The following TRIM26 variants were observed in gnomAD, a reference collection of about 807,000 sequenced individuals.
TRIM26 encodes the protein tripartite motif-containing protein 26.
A neutral mutation model predicts 45.5 loss-of-function variants in TRIM26; 16 were observed. The ratio of observed to expected loss-of-function variants is 0.35; its 90% confidence interval spans 0.24 to 0.53. The LOEUF is 0.53. Ranked by LOEUF, TRIM26 falls within the 20% of genes least tolerant of loss-of-function variation. The pLI, the probability that TRIM26 is intolerant of heterozygous loss-of-function variation, is 0.92. For synonymous variants in TRIM26, 273 were observed against 290.4 expected, an observed-to-expected ratio of 0.94 and a Z score of 0.61; for missense variants, 442 against 691.1, an observed-to-expected ratio of 0.64 and a Z score of 4.04.
Position 30,186,176 on chromosome 6 carries a change from C to A in TRIM26, c.1320G>T (p.Gly440=). 1 of 1,597,362 alleles carries A rather than the reference C, an allele frequency of 6.3e-7. No homozygotes were observed. Among genetic ancestry groups the A allele is most frequent in the Non-Finnish European group, 8.5e-7 (1 of 1,171,562 alleles). ...TCCTCTTCACAGAGTCTCTAGCCAC[C>A]CCCACCATGCAGCTTTCCAGAACTT... is the stretch of plus-strand genomic sequence containing the variant. ...EEEVLESCMV[G]VARDSVKRKG... The change falls in exon 10 of 10, where the codon GGG becomes GGT. Residue 440 remains glycine (G), a synonymous_variant. Coordinates refer to ENST00000454678, the MANE Select transcript of TRIM26 (RefSeq NM_003449.5). The surrounding 1 kb of genome is among the most constrained non-coding windows in gnomAD (Gnocchi z 7.4).
At position 30,190,276 on chromosome 6, in the gene TRIM26, T is replaced by C. The variant is rs1775689739; in HGVS notation, c.766-241A>G. 1 of 592,698 alleles carries C rather than the reference T, an allele frequency of 1.7e-6. No individual in the cohort carries two copies. The highest frequency in any genetic ancestry group is 1.9e-5 in the African/African-American group (1 of 53,690). The allele number at this position is 592,698 out of a possible 1,614,324, so 36.7% of individuals were successfully genotyped here. Reference sequence around the variant, plus strand: ...TGACATGGGCAACCTCTCTGGGAGATACCTGCGCAGAGAATTGACGGATAA... The same window carrying C: ...TGACATGGGCAACCTCTCTGGGAGACACCTGCGCAGAGAATTGACGGATAA... On this transcript the variant is annotated intron_variant, in intron 6 of 9. Transcript: ENST00000454678. This position sits in a 1 kb window ranked among gnomAD's most constrained non-coding sequence, Gnocchi z 4.3.
At chr6:30,188,500 A>G (rs1275350114) in intron 9 of TRIM26, 7 of 268,508 alleles carry the variant, frequency 2.6e-5, no homozygotes, top group Admixed American at 3.9e-5. Context: ...CAGCTCAGAC[A>G]TTAATAAAGA....
At chr6:30,193,206 G>T (rs1451912423) in intron 6 of TRIM26, among the ~76,000 whole-genome samples, 3 of 67,732 alleles carry the variant, frequency 4.4e-5, no homozygotes, top group African/African-American at 6.9e-5. Context: ...TTTTTTAATG[G>T]AGTCTCACTC....
intron 6 of TRIM26, among the ~76,000 whole-genome samples, chr6:30,193,182 A>ATATATATATATATATATATATATATTTT: frequency 2.6e-5 from 1 of 38,822 alleles, no homozygotes; most frequent in Admixed American, 3.9e-4. Context: ...ATATATATAT[A>ATATATATATATATATATATATATATTTT]TTTTTTTTTT....
chr6:30,203,523 C>G (rs28360014), intron 2 of TRIM26, among the ~76,000 whole-genome samples: 17,594 of 152,106 alleles, frequency 0.12, 1,539 homozygotes, highest in African/African-American at 0.24. Context: ...TCAAGCGATT[C>G]TCCTGCCTCA....
At chr6:30,203,958 A>G (rs958049490) in intron 2 of TRIM26, among the ~76,000 whole-genome samples, 1 of 152,214 alleles carries the variant, frequency 6.6e-6, no homozygotes, top group African/African-American at 2.4e-5. Flanking sequence ...ACCATCAAAA[A>G]TGGTTAAATC....
intron 5 of TRIM26, among the ~76,000 whole-genome samples, chr6:30,197,181 A>G (rs1434550711): frequency 6.6e-6 from 1 of 152,170 alleles, no homozygotes; most frequent in Non-Finnish European, 1.5e-5. Flanking sequence ...TGTTCAGTCT[A>G]AAATATCTAT....
intron 6 of TRIM26, among the ~76,000 whole-genome samples, chr6:30,193,148 G>A (rs1776072385): frequency 1.9e-5 from 1 of 51,662 alleles, no homozygotes; most frequent in Admixed American, 2.8e-4. Context: ...GTGTGTGTGT[G>A]TGTGTGTGTG....
rs59539207 is a variant in TRIM26, at chr6:30,186,302, T to TTCC, written c.1191_1193dup (p.Glu400dup). 5.0e-6 allele frequency: 8 copies of TTCC among 1,603,906 alleles called. No homozygotes were observed. In the African/African-American group the frequency reaches 8.0e-5, roughly 16 times the overall value. On this transcript the variant is annotated inframe_insertion, in exon 10 of 10. Transcript: ENST00000454678. This position sits in a 1 kb window ranked among gnomAD's most constrained non-coding sequence, Gnocchi z 7.4. ...ATCCATCCCCATAGCCGGCCTCCTC[T>TTCC]TCCTCCTCCTCCTCTTCTCCCTCTT...
rs1165150997 is a variant in TRIM26, at chr6:30,196,965, G to C, written c.535-219C>G. Among the ~76,000 whole-genome samples the C allele has an allele frequency of 6.6e-6, 1 of 152,134 alleles. No homozygotes were observed. Among genetic ancestry groups the C allele is most frequent in the African/African-American group, 2.4e-5 (1 of 41,436 alleles). On this transcript the variant is annotated intron_variant, in intron 5 of 9. Transcript: ENST00000454678. This position sits in a 1 kb window ranked among gnomAD's most constrained non-coding sequence, Gnocchi z 4.9. ...AGTTCAGTTCACCCCACCACTATAT[G>C]GTCAAAACCCTGTCTCCACCTGACT...
At chr6:30,195,880 G>C (rs557425271) in intron 6 of TRIM26, among the ~76,000 whole-genome samples, 19 of 152,306 alleles carry the variant, frequency 1.2e-4, no homozygotes, top group Non-Finnish European at 2.1e-4. Flanking sequence ...AGGCTCCCGG[G>C]GGGGAGGAGA....
In TRIM26 at chr6:30,189,377, C is replaced by G; in HGVS notation, c.904+41G>C. 1 of 1,603,704 alleles carries G rather than the reference C, an allele frequency of 6.2e-7. No individual in the cohort carries two copies. Among genetic ancestry groups the G allele is most frequent in the Non-Finnish European group, 8.5e-7 (1 of 1,171,588 alleles). ...GGTGCGCTCTTTCTACGAGGTAGCC[C>G]TGCTCTGACTCCCACCCTTTGTGCG... On this transcript the variant is annotated intron_variant, in intron 8 of 9. Coordinates refer to ENST00000454678, the MANE Select transcript of TRIM26 (RefSeq NM_003449.5). The surrounding 1 kb of genome is among the most constrained non-coding windows in gnomAD (Gnocchi z 5.0).
chr6:30,188,604 C>A, intron 9 of TRIM26: 2 of 230,528 alleles, frequency 8.7e-6, no homozygotes. Context: ...GCCTCGTTTG[C>A]TCCCAGACAG....
chr6:30,192,468 C>T (rs1250917087), intron 6 of TRIM26, among the ~76,000 whole-genome samples: 1 of 152,146 alleles, frequency 6.6e-6, no homozygotes, highest in Non-Finnish European at 1.5e-5. Flanking sequence ...TCTTTCCTTT[C>T]CTATCACCTC....
chr6:30,199,056 G>A lies in TRIM26; in HGVS notation c.48C>T (p.Cys16=). The part of the protein sequence containing the change: ...PLRSLEEEVT[C]SICLDYLRDP... ...CCCGCAGGTAATCAAGACAGATGGA[G>A]CAGGTCACCTCCTCTTCCAGGCTCC... Residue 16 remains cysteine, a synonymous_variant, in exon 4 of 10, where the codon TGC becomes TGT. Coordinates refer to ENST00000454678, the MANE Select transcript of TRIM26 (RefSeq NM_003449.5). 1.3e-6 allele frequency: 2 copies of A among 1,597,024 alleles called. No homozygotes were observed. Among genetic ancestry groups the A allele is most frequent in the Non-Finnish European group, 1.7e-6 (2 of 1,168,864 alleles).
chr6:30,194,050 T>G (rs572976639), intron 6 of TRIM26, among the ~76,000 whole-genome samples: 87 of 152,262 alleles, frequency 5.7e-4, no homozygotes, highest in African/African-American at 2.0e-3. Flanking sequence ...AAACTAAAAA[T>G]AGAACTACCA....
In TRIM26 at chr6:30,189,509, A is replaced by G; in HGVS notation, c.813T>C (p.Val271=). 6.2e-7 allele frequency: 1 copy of G among 1,613,016 alleles called. No individual in the cohort carries two copies. Residue 271 remains valine, a synonymous_variant, in exon 8 of 10, where the codon GTT becomes GTC. Coordinates refer to ENST00000454678, the MANE Select transcript of TRIM26 (RefSeq NM_003449.5). The surrounding 1 kb of genome is among the most constrained non-coding windows in gnomAD (Gnocchi z 5.0). ...TAACCACTCGAGCAATGGGTTTCCC[A>G]ACCCAGAACTTCTTCCGTGGATACC... The part of the protein sequence containing the change: ...LNRYPRKKFW[V]GKPIARVVKK...
intron 6 of TRIM26, among the ~76,000 whole-genome samples, chr6:30,191,308 G>A (rs1775808974): frequency 6.7e-6 from 1 of 149,906 alleles, no homozygotes; most frequent in Non-Finnish European, 1.5e-5. Flanking sequence ...TTAATACCCT[G>A]TATTAATTGA....
At chr6:30,208,265 A>G (rs567187924) in intron 1 of TRIM26, among the ~76,000 whole-genome samples, 136 of 152,336 alleles carry the variant, frequency 8.9e-4, no homozygotes, top group Admixed American at 1.4e-3. Flanking sequence ...CAATTTCTTC[A>G]TATTCCCTGT....
Sources: allele counts gnomAD v4.1 joint callset (sites outside exome capture counted in the v4.1 genomes callset), GRCh38; gene constraint gnomAD v4.1.1; non-coding constraint Gnocchi (gnomAD v3.1); transcripts MANE v1.5; gene names NCBI Gene and HGNC (gene_info 2026-07-23, HGNC 2026-07-21).